The following POLDIP2 variants were observed in gnomAD, a reference collection of about 807,000 sequenced individuals.
POLDIP2 encodes polymerase delta-interacting protein 2.
POLDIP2 carries 32 observed loss-of-function variants against 52.9 expected under a neutral mutation model. That is an observed-to-expected ratio of 0.61 (90% CI 0.46 to 0.81). The LOEUF (loss-of-function observed/expected upper bound fraction) is 0.81. Ranked by LOEUF, POLDIP2 falls within the 40% of genes least tolerant of loss-of-function variation. The probability of loss-of-function intolerance (pLI) is 0.00; values close to 1 mark genes in which losing one functional copy is unlikely to be tolerated. For missense variants in POLDIP2, 371 were observed against 477.3 expected (o/e 0.78, Z 2.07); for synonymous variants, 183 against 183.0 (o/e 1.00, Z 0.00).
intron 1 of POLDIP2, among the ~76,000 whole-genome samples, chr17:28,356,604 C>T (rs988534905): frequency 1.1e-4 from 17 of 152,210 alleles, no homozygotes; most frequent in African/African-American, 4.1e-4. Context: ...TATCATCTCT[C>T]CCCAATGTTC....
Position 28,350,503 on chromosome 17 carries a change from G to T in POLDIP2, c.847C>A (p.His283Asn). ...DSDVVQLRER[H>N]WRIFSLSGTL... ...CCAGAGAGACTGAATATCCTCCAGT[G>T]CCGCTCCCGGAGCTGTACCACATCA... Residue 283 changes from histidine (H) to asparagine (N), a missense_variant, in exon 9 of 11, where the codon CAC (histidine) becomes AAC (asparagine). By Grantham distance (68) the His-to-Asn change is moderately conservative. Coordinates refer to ENST00000540200, the MANE Select transcript of POLDIP2 (RefSeq NM_015584.5). The T allele has an allele frequency of 6.2e-7, 1 of 1,613,302 alleles. No individual in the cohort carries two copies. The highest frequency in any genetic ancestry group is 1.3e-5 in the African/African-American group (1 of 75,028).
At chr17:28,354,711 G>A in intron 2 of POLDIP2, 126 bp from the exon 3 acceptor site, 1 of 679,592 alleles carries the variant, frequency 1.5e-6, no homozygotes, top group Non-Finnish European at 2.7e-6. Flanking sequence ...TTCCCTTGAA[G>A]TCTGTGATCA....
In POLDIP2 at chr17:28,347,195, T is replaced by C. The variant is rs886506810; in HGVS notation, c.*922A>G. 1 of 152,206 alleles carries C rather than the reference T, an allele frequency of 6.6e-6. No homozygotes were observed. Among genetic ancestry groups the C allele is most frequent in the African/African-American group, 2.4e-5 (1 of 41,442 alleles). 9.4% of individuals were successfully genotyped at this position (152,206 alleles called of 1,614,324 possible). On this transcript the variant is annotated 3_prime_UTR_variant, in exon 11 of 11. Transcript: ENST00000540200. The stretch of plus-strand genomic sequence containing the variant: ...ACAAGAATAACAAGGGCTGGAACTG[T>C]GATTTAATATTAATTCAAGAAAACT...
At position 28,348,098 on chromosome 17, in the gene POLDIP2, A is replaced by T; in HGVS notation, c.*19T>A. 6.8e-7 allele frequency: 1 copy of T among 1,466,554 alleles called. No homozygotes were observed. Among genetic ancestry groups the T allele is most frequent in the Non-Finnish European group, 9.6e-7 (1 of 1,045,356 alleles). 90.8% of individuals were successfully genotyped at this position (1,466,554 alleles called of 1,614,324 possible). On this transcript the variant is annotated 3_prime_UTR_variant, in exon 11 of 11. Coordinates refer to ENST00000540200, the MANE Select transcript of POLDIP2 (RefSeq NM_015584.5). ...TTCTTCCCGGTGACCAAGCCTGGGC[A>T]CTTGGGGCCTCAGCTGGCCTACCAG...
At chr17:28,349,440 CAGTG>C (rs1567790809) in intron 9 of POLDIP2, among the ~76,000 whole-genome samples, 1 of 109,926 alleles carries the variant, frequency 9.1e-6, no homozygotes, top group Non-Finnish European at 1.7e-5. Context: ...CCGGGGAACA[CAGTG>C]AGACCCCATC....
At chr17:28,351,918 C>A in intron 6 of POLDIP2, 118 bp from the exon 7 acceptor site, 1 of 901,748 alleles carries the variant, frequency 1.1e-6, no homozygotes, top group Non-Finnish European at 1.8e-6. Context: ...CTAGTGGTGG[C>A]CCAGGCAAAC....
chr17:28,354,809 C>G (rs1179285094), intron 2 of POLDIP2, among the ~76,000 whole-genome samples: 1 of 152,198 alleles, frequency 6.6e-6, no homozygotes, highest in Non-Finnish European at 1.5e-5. Context: ...CTCCAGGAAG[C>G]CTTCCCTGAC....
At chr17:28,352,286 G>A (rs1907828646) in intron 6 of POLDIP2, among the ~76,000 whole-genome samples, 1 of 121,496 alleles carries the variant, frequency 8.2e-6, no homozygotes, top group Non-Finnish European at 1.6e-5. Flanking sequence ...TTGCCGGGAT[G>A]GAGTGCGGTG....
In POLDIP2 at chr17:28,357,380, C is replaced by A. The variant is rs1597804118; in HGVS notation, c.69G>T (p.Gly23=). 6.5e-7 allele frequency: 1 copy of A among 1,541,370 alleles called. No individual in the cohort carries two copies. Among genetic ancestry groups the A allele is most frequent in the Non-Finnish European group, 8.7e-7 (1 of 1,155,178 alleles). Residue 23 remains glycine, a synonymous_variant, in exon 1 of 11, where the codon GGG becomes GGT. Coordinates refer to ENST00000540200, the MANE Select transcript of POLDIP2 (RefSeq NM_015584.5). ...GSRWWSRSLT[G]ARWPRPLCAA... ...CACAGAGCGGCCTTGGCCACCGGGC[C>A]CCAGTCAGCGACCGGGACCACCAGC...
At chr17:28,349,459 CAAAAAAAAAAAA>C (rs11357551) in intron 9 of POLDIP2, among the ~76,000 whole-genome samples, 1 of 73,374 alleles carries the variant, frequency 1.4e-5, no homozygotes, top group Non-Finnish European at 2.6e-5. Flanking sequence ...CCCATCTCCA[CAAAAAAAAAAAA>C]AAAAAAAAAA....
At position 28,352,387 on chromosome 17, in the gene POLDIP2, G is replaced by A. The variant is rs1376428685; in HGVS notation, c.622+525C>T. ...CAAGTAGCTGAGACTACAGGTGCAC[G>A]CCACCACACCCAGCTAATTTTTATA... On this transcript the variant is annotated intron_variant, in intron 6 of 10. Coordinates refer to ENST00000540200, the MANE Select transcript of POLDIP2 (RefSeq NM_015584.5). 4.6e-5 allele frequency among the ~76,000 whole-genome samples: 7 copies of A among 151,388 alleles called. No individual in the cohort carries two copies. In the East Asian group the frequency reaches 1.2e-3, roughly 25 times the overall value.
chr17:28,350,432 G>A lies in POLDIP2; in HGVS notation c.912+6C>T, dbSNP rs1907752179. ...GGACCAGAATTACTAGACCAAGGAT[G>A]CTCACCCTGCCCACTACCCCTCGGC... On this transcript the variant is annotated splice_donor_region_variant and intron_variant, in intron 9 of 10. Coordinates refer to ENST00000540200, the MANE Select transcript of POLDIP2 (RefSeq NM_015584.5). The A allele has an allele frequency of 6.2e-7, 1 of 1,604,610 alleles. No individual in the cohort carries two copies. The highest frequency in any genetic ancestry group is 1.3e-5 in the African/African-American group (1 of 74,590).
intron 8 of POLDIP2, 101 bp downstream of exon 8, chr17:28,350,665 T>G: frequency 6.4e-7 from 1 of 1,557,928 alleles, no homozygotes; most frequent in East Asian, 2.3e-5. Context: ...ACACATGCAC[T>G]GCACAGGTTC....
In POLDIP2 at chr17:28,357,518, G is replaced by T; in HGVS notation, c.-70C>A. 22 of 1,466,600 alleles carry T rather than the reference G, an allele frequency of 1.5e-5. No individual in the cohort carries two copies. The highest frequency in any genetic ancestry group is 2.0e-5 in the Non-Finnish European group (22 of 1,113,584). 90.8% of individuals were successfully genotyped at this position (1,466,600 alleles called of 1,614,324 possible). A position where few individuals can be genotyped will look rare whatever the true frequency, so the allele number is the denominator to read the frequency against. ...CGCGGCCGGGCGGCGTTCCGCCCCA[G>T]TCCCACACTGCCCCGCGCGGCGTCC... is the stretch of plus-strand genomic sequence containing the variant. On this transcript the variant is annotated 5_prime_UTR_variant, in exon 1 of 11. It adds an upstream start codon to the 5' untranslated region. Coordinates refer to ENST00000540200, the MANE Select transcript of POLDIP2 (RefSeq NM_015584.5).
Position 28,357,371 on chromosome 17 carries a change from C to G in POLDIP2, c.78G>C (p.Trp26Cys), listed in dbSNP as rs782435841. Reference sequence around the variant, plus strand: ...CGGCCGCCGCACAGAGCGGCCTTGGCCACCGGGCCCCAGTCAGCGACCGGG... The same window carrying G: ...CGGCCGCCGCACAGAGCGGCCTTGGGCACCGGGCCCCAGTCAGCGACCGGG... ...WWSRSLTGAR[W>C]PRPLCAAAGA... Residue 26 changes from tryptophan (W) to cysteine (C), a missense_variant, in exon 1 of 11, where the codon TGG becomes TGC. Physicochemically the swap from Trp to Cys is radical, Grantham distance 215 (BLOSUM62 -2). Transcript: ENST00000540200. 1 of 1,548,426 alleles carries G rather than the reference C, an allele frequency of 6.5e-7. No individual in the cohort carries two copies. The highest frequency in any genetic ancestry group is 1.2e-5 in the South Asian group (1 of 85,306).
intron 2 of POLDIP2, among the ~76,000 whole-genome samples, chr17:28,355,234 G>A (rs1238203333): frequency 2.0e-5 from 3 of 152,196 alleles, no homozygotes; most frequent in Non-Finnish European, 4.4e-5. Context: ...CACCATCCCT[G>A]TCCACATTAA....
At chr17:28,351,633 C>G (rs1555579979) in intron 7 of POLDIP2, 31 bp downstream of exon 7, 1 of 1,610,546 alleles carries the variant, frequency 6.2e-7, no homozygotes, top group South Asian at 1.1e-5. Flanking sequence ...GGGCCTACCC[C>G]TGCTAGAAGG....
chr17:28,351,552 A>AC lies in POLDIP2; in HGVS notation c.759+111_759+112insG. On this transcript the variant is annotated intron_variant, in intron 7 of 10. Transcript: ENST00000540200. ...AACACATGCCACCACTTGGAAGCAG[A>AC]ACCACAGGGACATGGTTTATATTTA... 9.6e-6 allele frequency: 10 copies of AC among 1,041,272 alleles called. No individual in the cohort carries two copies. The South Asian group carries it at 1.4e-4, about 14-fold the overall frequency. 64.5% of individuals were successfully genotyped at this position (1,041,272 alleles called of 1,614,324 possible).
chr17:28,352,462 T>G (rs1907840050), intron 6 of POLDIP2, among the ~76,000 whole-genome samples: 1 of 151,724 alleles, frequency 6.6e-6, no homozygotes, highest in Non-Finnish European at 1.5e-5. Flanking sequence ...GGTCTTGATC[T>G]CTTGACCTAG....
Sources: gnomAD v4.1 joint callset for allele counts (sites outside exome capture counted in the v4.1 genomes callset) on GRCh38, gnomAD v4.1.1 for gene constraint, MANE v1.5 for transcripts, NCBI Gene and HGNC (gene_info 2026-07-23, HGNC 2026-07-21) for gene names.